Variants in MTERF4 observed in about 807,000 individuals in gnomAD.
MTERF4 encodes the protein transcription termination factor 4, mitochondrial.
MTERF4 carries 17 observed loss-of-function variants against 22.5 expected under a neutral mutation model. The observed-to-expected ratio is 0.75, with a 90% CI of 0.52 to 1.13. MTERF4 has a LOEUF of 1.13. MTERF4 is among the 50% of genes most tolerant of loss of function. The pLI, the probability that MTERF4 is intolerant of heterozygous loss-of-function variation, is 0.00. For synonymous variants in MTERF4, 165 were observed against 175.3 expected (o/e 0.94, Z 0.47); for missense variants, 420 against 466.8 (o/e 0.90, Z 0.92).
At chr2:241,083,012 G>A (rs1218414077), downstream of MTERF4, among the ~76,000 whole-genome samples, 1 of 152,164 alleles carries the variant, frequency 6.6e-6, no homozygotes, top group Non-Finnish European at 1.5e-5. Flanking sequence ...GAACAGAGCA[G>A]ACCAAAGCCC....
At chr2:241,052,820 C>A in the MTERF4 span, among the ~76,000 whole-genome samples, 1 of 122,880 alleles carries the variant, frequency 8.1e-6, no homozygotes, top group Non-Finnish European at 1.6e-5. Flanking sequence ...AAGCAGGGTA[C>A]ATGGGATGCC....
chr2:241,064,809 G>A, the MTERF4 span: 15 of 1,468,698 alleles, frequency 1.0e-5, no homozygotes, highest in Admixed American at 2.6e-5. The surrounding 1 kb of genome is among the most constrained non-coding windows in gnomAD (Gnocchi z 7.0). Flanking sequence ...CCCTGGCCAC[G>A]CCCCAACATA....
At chr2:241,078,801 A>T (rs2063173776) in intron 4 of MTERF4, among the ~76,000 whole-genome samples, 1 of 151,864 alleles carries the variant, frequency 6.6e-6, no homozygotes, top group Non-Finnish European at 1.5e-5. Context: ...GAATTATCTC[A>T]ATAATGCCTG....
At chr2:241,098,036 C>T (rs1183210373) in intron 2 of MTERF4, among the ~76,000 whole-genome samples, 4 of 152,150 alleles carry the variant, frequency 2.6e-5, no homozygotes, top group African/African-American at 7.2e-5. Context: ...CTATTAAAAC[C>T]GCACTAACTG....
downstream of MTERF4, among the ~76,000 whole-genome samples, chr2:241,089,709 C>T (rs912475409): frequency 1.3e-5 from 2 of 152,230 alleles, no homozygotes; most frequent in African/African-American, 2.4e-5. Context: ...TTCCTACAGC[C>T]GAGCATCACT....
Position 241,073,084 on chromosome 2 carries a change from G to T in MTERF4, n.3078C>A, listed in dbSNP as rs1270252836. ...CCCTCCAGAGGGTCAGCAGGAGGGT[G>T]AGGCCAGCCCTTCAGGGGAGGCAGC... On this transcript the variant is annotated non_coding_transcript_exon_variant, in exon 5 of 5. Transcript: ENST00000464344. The surrounding 1 kb of genome is among the most constrained non-coding windows in gnomAD (Gnocchi z 6.6). 3.6e-5 allele frequency: 21 copies of T among 579,158 alleles called. No individual in the cohort carries two copies. The South Asian group carries it at 4.4e-4, about 12-fold the overall frequency. 35.9% of individuals were successfully genotyped at this position (579,158 alleles called of 1,614,324 possible). A position where few individuals can be genotyped will look rare whatever the true frequency, so the allele number is the denominator to read the frequency against.
intron 2 of MTERF4, among the ~76,000 whole-genome samples, chr2:241,098,502 C>T (rs1170917898): frequency 6.6e-6 from 1 of 152,132 alleles, no homozygotes; most frequent in African/African-American, 2.4e-5. Flanking sequence ...CCAGAAGGCC[C>T]TTAAAGAGAT....
chr2:241,074,453 A>C (rs1427461506), exon 5 of MTERF4: 1 of 152,234 alleles, frequency 6.6e-6, no homozygotes, highest in African/African-American at 2.4e-5. Context: ...GAACTAAAAC[A>C]AACATTTCAT....
intron 1 of MTERF4, among the ~76,000 whole-genome samples, chr2:241,101,458 T>C (rs1435798181): frequency 6.6e-6 from 1 of 152,230 alleles, no homozygotes; most frequent in Non-Finnish European, 1.5e-5. Context: ...TGGTTCCTAA[T>C]AGGCAAGGGA....
At chr2:241,042,634 T>C in the MTERF4 span, among the ~76,000 whole-genome samples, 1 of 152,052 alleles carries the variant, frequency 6.6e-6, no homozygotes. Context: ...GCTCCTATAA[T>C]CAAGATTGTT....
the MTERF4 span, among the ~76,000 whole-genome samples, chr2:241,054,111 C>T: frequency 7.6e-6 from 1 of 132,012 alleles, no homozygotes; most frequent in African/African-American, 3.2e-5. Flanking sequence ...CTTCAAGCAT[C>T]CCTCCTTTCC....
chr2:241,096,435 C>T lies in MTERF4; in HGVS notation c.709G>A (p.Ala237Thr). 1 of 1,613,702 alleles carries T rather than the reference C, an allele frequency of 6.2e-7. No individual in the cohort carries two copies. The highest frequency in any genetic ancestry group is 8.5e-7 in the Non-Finnish European group (1 of 1,179,868). The change falls in exon 4 of 4, where the codon GCA (alanine) becomes ACA (threonine). Residue 237 changes from alanine to threonine, a missense_variant. Transcript: ENST00000391980. This position sits in a 1 kb window ranked among gnomAD's most constrained non-coding sequence, Gnocchi z 5.1. The part of the protein sequence containing the change: ...LGQLEYKFQY[A>T]YFRMGIKHPD... ...TGCTTAATTCCCATCCTGAAGTATG[C>T]ATACTGGAAGACACAAACACACTTA...
the MTERF4 span, chr2:241,051,768 G>A: frequency 6.5e-7 from 1 of 1,541,822 alleles, no homozygotes; most frequent in African/African-American, 1.4e-5. This position sits in a 1 kb window ranked among gnomAD's most constrained non-coding sequence, Gnocchi z 4.7. Flanking sequence ...TGCAGCTCAG[G>A]GCCCTGCCGG....
At chr2:241,083,115 G>C (rs6437235), downstream of MTERF4, among the ~76,000 whole-genome samples, 24,723 of 152,104 alleles carry the variant, frequency 0.16, 2,828 homozygotes, top group African/African-American at 0.33. Context: ...GAGTGCAAAG[G>C]GAAAAAGGAC....
At chr2:241,077,581 C>T (rs2063089625) in intron 4 of MTERF4, among the ~76,000 whole-genome samples, 1 of 151,850 alleles carries the variant, frequency 6.6e-6, no homozygotes, top group Admixed American at 6.6e-5. Context: ...GACAAACAAC[C>T]CAGTTCAGAC....
downstream of MTERF4, among the ~76,000 whole-genome samples, chr2:241,084,610 G>A (rs1377596386): frequency 1.3e-5 from 2 of 152,110 alleles, no homozygotes; most frequent in African/African-American, 4.8e-5. Flanking sequence ...TTCCACATAT[G>A]CTGTGAACTG....
chr2:241,055,718 C>G, the MTERF4 span, among the ~76,000 whole-genome samples: 1 of 152,188 alleles, frequency 6.6e-6, no homozygotes, highest in Non-Finnish European at 1.5e-5. Context: ...GTTCTCAGCA[C>G]CTACCAGGTC....
chr2:241,082,126 G>A, downstream of MTERF4: 1 of 630,092 alleles, frequency 1.6e-6, no homozygotes, highest in Non-Finnish European at 2.8e-6. Flanking sequence ...GAGGAAGCCA[G>A]CTGCAGACCC....
intron 4 of MTERF4, among the ~76,000 whole-genome samples, chr2:241,080,562 G>A (rs190913882): frequency 8.5e-5 from 13 of 152,314 alleles, no homozygotes; most frequent in African/African-American, 3.1e-4. Flanking sequence ...AGGACATGTT[G>A]TGTAAAAAGC....
Sources: allele counts gnomAD v4.1 joint callset (sites outside exome capture counted in the v4.1 genomes callset), GRCh38; gene constraint gnomAD v4.1.1; non-coding constraint Gnocchi (gnomAD v3.1); transcripts MANE v1.5; gene names NCBI Gene and HGNC (gene_info 2026-07-23, HGNC 2026-07-21).